Variants in RAB3IP observed in about 807,000 individuals in gnomAD.
RAB3IP encodes the protein RAB3A interacting protein.
In RAB3IP, 36 loss-of-function variants were observed where a neutral mutation model predicts 59.1. The ratio of observed to expected loss-of-function variants is 0.61; its 90% confidence interval spans 0.47 to 0.80. The LOEUF (loss-of-function observed/expected upper bound fraction) is 0.80, where lower values mean the gene tolerates loss of function less well. RAB3IP is among the 30% of genes least tolerant of loss of function. RAB3IP has a pLI of 0.00. For missense variants in RAB3IP, 511 were observed against 536.0 expected, an observed-to-expected ratio of 0.95 and a Z score of 0.46; for synonymous variants, 207 against 191.2, an observed-to-expected ratio of 1.08 and a Z score of -0.68.
At chr12:69,811,263 A>G (rs972583982) in intron 8 of RAB3IP, among the ~76,000 whole-genome samples, 3 of 152,174 alleles carry the variant, frequency 2.0e-5, no homozygotes, top group African/African-American at 7.2e-5. Context: ...GGAGAAGATC[A>G]GGAAGAATAA....
chr12:69,813,160 G>A, intron 10 of RAB3IP, 127 bp downstream of exon 10: 2 of 661,252 alleles, frequency 3.0e-6, no homozygotes, highest in South Asian at 4.4e-5. Context: ...CATTTATATT[G>A]AATCCCTTCT....
rs1327315708 is a variant in RAB3IP, at chr12:69,804,889, T to G, written c.1130+3168T>G. On this transcript the variant is annotated intron_variant, in intron 8 of 10. Transcript: ENST00000247833. ...TTGGTACCAGTACCATGCTGTTTTG[T>G]TTACTGTAGCCTTGTAGTATAGTTT... Among the ~76,000 whole-genome samples the G allele has an allele frequency of 8.9e-4, 135 of 152,086 alleles. No individual in the cohort carries two copies. In the Middle Eastern group the frequency reaches 0.01, roughly 11 times the overall value.
intron 1 of RAB3IP, among the ~76,000 whole-genome samples, chr12:69,754,863 T>G (rs960756863): frequency 6.6e-6 from 1 of 152,238 alleles, no homozygotes; most frequent in Non-Finnish European, 1.5e-5. Flanking sequence ...TTAAATAGTA[T>G]ACTGAGATAA....
At chr12:69,740,015 T>TC in intron 1 of RAB3IP, 1 of 714,756 alleles carries the variant, frequency 1.4e-6, no homozygotes, top group Non-Finnish European at 2.4e-6. Context: ...AGTGTCGGGT[T>TC]AAAAGCCTTG....
At position 69,812,514 on chromosome 12, in the gene RAB3IP, A is replaced by G. The variant is rs1592634553; in HGVS notation, c.1131-264A>G. On this transcript the variant is annotated intron_variant, in intron 8 of 10. Coordinates refer to ENST00000247833, the MANE Select transcript of RAB3IP (RefSeq NM_022456.5). ...ATTTGTAAATTTGTTCCAAGATGGG[A>G]CATACATGGAAAACACCTAGTTTCT... is the stretch of plus-strand genomic sequence containing the variant. The G allele has an allele frequency of 1.4e-5, 5 of 352,672 alleles. No homozygotes were observed. In the East Asian group the frequency reaches 2.6e-4, roughly 18 times the overall value. The allele number at this position is 352,672 out of a possible 1,614,324, so 21.8% of individuals were successfully genotyped here.
At chr12:69,788,448 A>G (rs575819647) in intron 4 of RAB3IP, among the ~76,000 whole-genome samples, 1 of 152,278 alleles carries the variant, frequency 6.6e-6, no homozygotes, top group South Asian at 2.1e-4. Flanking sequence ...GTAAAAATAA[A>G]TATGGTATAA....
chr12:69,783,237 G>T (rs746606940), intron 3 of RAB3IP, among the ~76,000 whole-genome samples: 2 of 152,172 alleles, frequency 1.3e-5, no homozygotes, highest in Non-Finnish European at 2.9e-5. Flanking sequence ...TGTTTTTGGA[G>T]TGTGTGTGTA....
At chr12:69,753,950 AAGCATATGTGGTATTGTT>A (rs925436877) in intron 1 of RAB3IP, among the ~76,000 whole-genome samples, 7 of 152,250 alleles carry the variant, frequency 4.6e-5, no homozygotes, top group African/African-American at 1.4e-4. Flanking sequence ...GGAGAACCTG[AAGCATATGTGGTATTGTT>A]AGTGGCTGGG....
chr12:69,807,744 C>G (rs1281837640), intron 8 of RAB3IP, among the ~76,000 whole-genome samples: 4 of 139,774 alleles, frequency 2.9e-5, no homozygotes, highest in Non-Finnish European at 4.6e-5. Flanking sequence ...GAGGTGCTCA[C>G]TTCCCAGATG....
intron 1 of RAB3IP, among the ~76,000 whole-genome samples, chr12:69,741,694 A>C (rs1887361173): frequency 6.6e-6 from 1 of 152,352 alleles, no homozygotes; most frequent in African/African-American, 2.4e-5. Flanking sequence ...TAGTTTGCTC[A>C]ACGTCACATA....
intron 3 of RAB3IP, among the ~76,000 whole-genome samples, chr12:69,784,461 A>AT (rs1167127293): frequency 6.7e-6 from 1 of 149,846 alleles, no homozygotes; most frequent in Non-Finnish European, 1.5e-5. Flanking sequence ...TATAGTTTAT[A>AT]TATATAATGT....
intron 8 of RAB3IP, among the ~76,000 whole-genome samples, chr12:69,809,922 T>G (rs555605322): frequency 1.3e-5 from 2 of 152,340 alleles, no homozygotes; most frequent in South Asian, 4.1e-4. Flanking sequence ...TCCATCCAGC[T>G]TTGTTCCGTT....
intron 1 of RAB3IP, among the ~76,000 whole-genome samples, chr12:69,745,893 T>G (rs11177823): frequency 0.32 from 49,021 of 152,010 alleles, 8,287 homozygotes; most frequent in Non-Finnish European, 0.37. Context: ...CACACCAGAG[T>G]TTGAATACTA....
At chr12:69,753,616 T>A (rs1037275026) in intron 1 of RAB3IP, among the ~76,000 whole-genome samples, 1 of 152,152 alleles carries the variant, frequency 6.6e-6, no homozygotes, top group African/African-American at 2.4e-5. Flanking sequence ...CCCAAAGTGC[T>A]GGGATTATAG....
intron 4 of RAB3IP, among the ~76,000 whole-genome samples, chr12:69,792,309 AAAAG>A (rs1277997499): frequency 2.4e-4 from 36 of 152,296 alleles, no homozygotes; most frequent in Non-Finnish European, 1.9e-4. Flanking sequence ...CCCTCCAAAA[AAAAG>A]GTAACTGAGA....
At chr12:69,760,263 G>A (rs1269319519) in intron 3 of RAB3IP, among the ~76,000 whole-genome samples, 3 of 152,266 alleles carry the variant, frequency 2.0e-5, no homozygotes, top group African/African-American at 7.2e-5. Context: ...GCCTGCAATA[G>A]CAGGCACTCG....
intron 3 of RAB3IP, among the ~76,000 whole-genome samples, chr12:69,765,972 C>G (rs1474521156): frequency 6.6e-6 from 1 of 152,218 alleles, no homozygotes; most frequent in East Asian, 1.9e-4. Flanking sequence ...AATAGGTCCC[C>G]AATCTATCCT....
At chr12:69,813,084 G>A (rs1880679936) in intron 10 of RAB3IP, 51 bp downstream of exon 10, 2 of 1,375,572 alleles carry the variant, frequency 1.5e-6, no homozygotes, top group African/African-American at 2.9e-5. Context: ...TCAGCAAAAA[G>A]TATAAGTAAA....
chr12:69,786,915 A>G (rs980296073), intron 4 of RAB3IP, among the ~76,000 whole-genome samples: 1 of 152,234 alleles, frequency 6.6e-6, no homozygotes, highest in African/African-American at 2.4e-5. Flanking sequence ...AAAACAAAGT[A>G]CATTGATTAA....
Sources: gnomAD v4.1 joint callset for allele counts (sites outside exome capture counted in the v4.1 genomes callset) on GRCh38, gnomAD v4.1.1 for gene constraint, MANE v1.5 for transcripts, NCBI Gene and HGNC (gene_info 2026-07-23, HGNC 2026-07-21) for gene names.